The following CHST11 variants were observed in gnomAD, a reference collection of about 807,000 sequenced individuals.
The protein encoded by CHST11 is carbohydrate sulfotransferase 11.
CHST11 carries 9 observed loss-of-function variants against 30.4 expected under a neutral mutation model. That is an observed-to-expected ratio of 0.30 (90% confidence interval 0.18 to 0.52). The LOEUF is 0.52. Ranked by LOEUF, CHST11 falls within the 20% of genes least tolerant of loss-of-function variation. CHST11 has a pLI of 0.97. For synonymous variants in CHST11, 152 were observed against 187.8 expected (o/e 0.81, Z 1.56); for missense variants, 348 against 460.6 (o/e 0.76, Z 2.24).
Position 104,757,777 on chromosome 12 carries a change from G to T in CHST11, c.1033G>T (p.Val345Leu). 1.2e-6 allele frequency: 2 copies of T among 1,612,240 alleles called. No individual in the cohort carries two copies. The highest frequency in any genetic ancestry group is 1.7e-6 in the Non-Finnish European group (2 of 1,178,350). ...CGATTTTTTAATGTTCAATTACTCA[G>T]TGCCAAGCTACCTGAAATTGGAATA... Reference protein sequence around the residue: ...KLDFLMFNYSVPSYLKLE With the variant: ...KLDFLMFNYSLPSYLKLE Residue 345 changes from valine to leucine, a missense_variant, in exon 3 of 3, where the codon GTG (valine) becomes TTG (leucine). Around this residue, in one of 3 missense-constraint regions of CHST11, gnomAD observed 210 missense variants for 287.2 expected, o/e 0.73. Transcript: ENST00000303694. This position sits in a 1 kb window ranked among gnomAD's most constrained non-coding sequence, Gnocchi z 6.5.
intron 2 of CHST11, among the ~76,000 whole-genome samples, chr12:104,664,136 A>G (rs575383382): frequency 6.6e-6 from 1 of 152,120 alleles, no homozygotes; most frequent in South Asian, 2.1e-4. Context: ...ACTGTATATC[A>G]CCTCTCTTCT....
chr12:104,669,422 T>G (rs558809570), intron 2 of CHST11, among the ~76,000 whole-genome samples: 25 of 149,562 alleles, frequency 1.7e-4, no homozygotes, highest in African/African-American at 6.1e-4. Context: ...TGCAAATGAT[T>G]TTTTTTCCCC....
chr12:104,608,556 T>C (rs1005962745), intron 2 of CHST11, among the ~76,000 whole-genome samples: 4 of 152,154 alleles, frequency 2.6e-5, no homozygotes, highest in Admixed American at 6.5e-5. Flanking sequence ...CATTGCTCCC[T>C]TGCAATGTGT....
intron 2 of CHST11, among the ~76,000 whole-genome samples, chr12:104,712,888 C>T (rs377106792): frequency 3.3e-5 from 5 of 152,020 alleles, no homozygotes; most frequent in South Asian, 2.1e-4. Flanking sequence ...TAAAGTCTTC[C>T]GTTATTTGGC....
intron 2 of CHST11, among the ~76,000 whole-genome samples, chr12:104,605,798 A>G (rs1223097503): frequency 1.3e-5 from 2 of 152,190 alleles, no homozygotes; most frequent in African/African-American, 2.4e-5. Context: ...GGCTCAGTTC[A>G]GAGGCACAGG....
At chr12:104,473,118 T>A (rs1470626162) in intron 1 of CHST11, among the ~76,000 whole-genome samples, 5 of 152,216 alleles carry the variant, frequency 3.3e-5, no homozygotes, top group African/African-American at 4.8e-5. Flanking sequence ...TTAAACTCTC[T>A]TGTTTCATTA....
chr12:104,457,861 C>T (rs1452187961), intron 1 of CHST11, among the ~76,000 whole-genome samples: 2 of 147,956 alleles, frequency 1.4e-5, no homozygotes, highest in African/African-American at 5.0e-5. Flanking sequence ...AGCAGGGAAA[C>T]GGAGAGGTGT....
intron 1 of CHST11, among the ~76,000 whole-genome samples, chr12:104,531,290 A>G (rs2038180532): frequency 6.6e-6 from 1 of 151,948 alleles, no homozygotes; most frequent in Admixed American, 6.6e-5. Context: ...GGAGTTTGAG[A>G]CCAGCCTGGG....
At chr12:104,557,778 C>G (rs12581154) in intron 1 of CHST11, among the ~76,000 whole-genome samples, 1 of 152,074 alleles carries the variant, frequency 6.6e-6, no homozygotes, top group Non-Finnish European at 1.5e-5. Flanking sequence ...TCTCACTGAC[C>G]GCGGATTCTT....
At chr12:104,755,725 G>A (rs2040469408) in intron 2 of CHST11, among the ~76,000 whole-genome samples, 1 of 152,194 alleles carries the variant, frequency 6.6e-6, no homozygotes, top group Non-Finnish European at 1.5e-5. Flanking sequence ...GGCGGAGGTT[G>A]CAGTGAGCTG....
At position 104,637,302 on chromosome 12, in the gene CHST11, T is replaced by TAAAAAAAAA. The variant is rs10622882; in HGVS notation, c.204+35336_204+35344dup. On this transcript the variant is annotated intron_variant, in intron 2 of 2. Coordinates refer to ENST00000303694, the MANE Select transcript of CHST11 (RefSeq NM_018413.6). ...CCTGGGCCATGGGAGTGAGACCCTG[T>TAAAAAAAAA]AAAAAAAAAAAAAAAAAAAAAAAAA... 5.9e-4 allele frequency among the ~76,000 whole-genome samples: 37 copies of TAAAAAAAAA among 62,570 alleles called. 2 individuals carry two copies. The highest frequency in any genetic ancestry group is 1.3e-3 in the African/African-American group (16 of 11,946). 41.0% of individuals were successfully genotyped at this position (62,570 alleles called of 152,430 possible).
At chr12:104,643,679 T>G (rs191740017) in intron 2 of CHST11, among the ~76,000 whole-genome samples, 80 of 152,306 alleles carry the variant, frequency 5.3e-4, no homozygotes, top group East Asian at 4.6e-3. Flanking sequence ...GACTTTTTTT[T>G]GTTGTTGCAC....
At chr12:104,480,200 G>A (rs1423185769) in intron 1 of CHST11, among the ~76,000 whole-genome samples, 2 of 150,890 alleles carry the variant, frequency 1.3e-5, no homozygotes, top group Non-Finnish European at 3.0e-5. Context: ...TAGTGTCCCC[G>A]CCCCCCCCTC....
chr12:104,686,064 A>G (rs1302851937), intron 2 of CHST11, among the ~76,000 whole-genome samples: 2 of 152,054 alleles, frequency 1.3e-5, no homozygotes, highest in East Asian at 3.9e-4. Context: ...CCTCATCTCT[A>G]CGAAAACATT....
At chr12:104,561,510 G>C (rs7975248) in intron 1 of CHST11, among the ~76,000 whole-genome samples, 10,440 of 152,288 alleles carry the variant, frequency 0.069, 422 homozygotes, top group South Asian at 0.12. Flanking sequence ...CACTATGAAA[G>C]AAGGCAAGAC....
At chr12:104,754,772 C>T (rs2040461269) in intron 2 of CHST11, among the ~76,000 whole-genome samples, 1 of 152,216 alleles carries the variant, frequency 6.6e-6, no homozygotes, top group South Asian at 2.1e-4. Flanking sequence ...GTGAGAGAAT[C>T]ACCATACTCT....
chr12:104,572,335 G>C (rs371292547), intron 1 of CHST11, among the ~76,000 whole-genome samples: 1 of 151,056 alleles, frequency 6.6e-6, no homozygotes. Flanking sequence ...CTGTGAATCC[G>C]TCTGGTCCTG....
chr12:104,616,006 G>A lies in CHST11; in HGVS notation c.204+14015G>A, dbSNP rs149622947. On this transcript the variant is annotated intron_variant, in intron 2 of 2. Coordinates refer to ENST00000303694, the MANE Select transcript of CHST11 (RefSeq NM_018413.6). ...GAGAATTTGATGAATCCGGACATGT[G>A]AAGTGCTCAGAAAGGTGTCTGGCAC... Among the ~76,000 whole-genome samples, 547 of 152,264 alleles carry A rather than the reference G, an allele frequency of 3.6e-3. 7 individuals are homozygous for A. Among genetic ancestry groups the A allele is most frequent in the African/African-American group, 0.012 (499 of 41,548 alleles).
intron 2 of CHST11, among the ~76,000 whole-genome samples, chr12:104,639,617 G>A (rs2039356702): frequency 6.6e-6 from 1 of 152,192 alleles, no homozygotes; most frequent in Admixed American, 6.5e-5. Context: ...AAAGGCGATT[G>A]TGGGTAAGAG....
Sources: allele counts gnomAD v4.1 joint callset (sites outside exome capture counted in the v4.1 genomes callset), GRCh38; gene constraint gnomAD v4.1.1; regional missense constraint gnomAD v4.1.1; non-coding constraint Gnocchi (gnomAD v3.1); transcripts MANE v1.5; gene names NCBI Gene and HGNC (gene_info 2026-07-23, HGNC 2026-07-21).